CD101: variants seen among roughly 807,000 people sequenced by gnomAD.
CD101 encodes the protein immunoglobulin superfamily member 2.
In CD101, 76 loss-of-function variants were observed where a neutral mutation model predicts 98.2. The ratio of observed to expected loss-of-function variants is 0.77; its 90% CI spans 0.64 to 0.94. The LOEUF is 0.94. CD101 is among the 40% of genes least tolerant of loss of function. The pLI, the probability that CD101 is intolerant of heterozygous loss-of-function variation, is 0.00. For synonymous variants in CD101, 471 were observed against 472.7 expected (o/e 1.00, Z 0.05); for missense variants, 1,145 against 1,218.8 (o/e 0.94, Z 0.90).
chr1:117,033,766 C>A lies in CD101; in HGVS notation c.2825-94C>A. On this transcript the variant is annotated intron_variant, in intron 8 of 9. Coordinates refer to ENST00000682167, the MANE Select transcript of CD101 (RefSeq NM_001256106.3). The surrounding 1 kb of genome is among the most constrained non-coding windows in gnomAD (Gnocchi z 4.8). ...TTTGGCCCCATTATTTTTACATATA[C>A]TTGCCTATAACAATAAATCCCAGGA... 6.5e-7 allele frequency: 1 copy of A among 1,533,640 alleles called. No individual in the cohort carries two copies. Among genetic ancestry groups the A allele is most frequent in the Non-Finnish European group, 8.9e-7 (1 of 1,127,470 alleles).
At chr1:117,029,407 C>T (rs1314132987) in intron 8 of CD101, among the ~76,000 whole-genome samples, 2 of 152,194 alleles carry the variant, frequency 1.3e-5, no homozygotes, top group Non-Finnish European at 2.9e-5. Context: ...CATGCATGCA[C>T]CATCTCCTTC....
rs2101111698 is a variant in CD101, at chr1:117,005,919, C to A, written c.44-3931C>A. Among the ~76,000 whole-genome samples, 1 of 151,584 alleles carries A rather than the reference C, an allele frequency of 6.6e-6. No individual in the cohort carries two copies. The highest frequency in any genetic ancestry group is 1.5e-5 in the Non-Finnish European group (1 of 67,876). ...ACAAATATTTTCAAAGGGTTAAAGT[C>A]TATTTAACCCTTTGAAAATATGTAT... is the stretch of plus-strand genomic sequence containing the variant. On this transcript the variant is annotated intron_variant, in intron 1 of 9. Transcript: ENST00000682167. The surrounding 1 kb of genome is among the most constrained non-coding windows in gnomAD (Gnocchi z 4.4).
chr1:117,018,035 G>A lies in CD101; in HGVS notation c.1613-121G>A. On this transcript the variant is annotated intron_variant, in intron 5 of 9. Transcript: ENST00000682167. This position sits in a 1 kb window ranked among gnomAD's most constrained non-coding sequence, Gnocchi z 4.3. ...GAATCAATTTCTACTCTATAAAATA[G>A]GAAACTCCAAATGTACAAATGCATG... 1.1e-6 allele frequency: 1 copy of A among 944,938 alleles called. No homozygotes were observed. The highest frequency in any genetic ancestry group is 1.8e-5 in the South Asian group (1 of 54,302). The allele number at this position is 944,938 out of a possible 1,614,324, so 58.5% of individuals were successfully genotyped here. A position where few individuals can be genotyped will look rare whatever the true frequency, so the allele number is the denominator to read the frequency against.
intron 8 of CD101, among the ~76,000 whole-genome samples, chr1:117,028,222 A>C (rs981931593): frequency 6.6e-6 from 1 of 152,236 alleles, no homozygotes; most frequent in Non-Finnish European, 1.5e-5. Context: ...GGCGGTACCC[A>C]TGACGACTAA....
In CD101 at chr1:117,019,903, A is replaced by G. The variant is rs1053098710; in HGVS notation, c.2017+1343A>G. Among the ~76,000 whole-genome samples, 1 of 152,208 alleles carries G rather than the reference A, an allele frequency of 6.6e-6. No individual in the cohort carries two copies. The highest frequency in any genetic ancestry group is 2.4e-5 in the African/African-American group (1 of 41,446). On this transcript the variant is annotated intron_variant, in intron 6 of 9. Coordinates refer to ENST00000682167, the MANE Select transcript of CD101 (RefSeq NM_001256106.3). This position sits in a 1 kb window ranked among gnomAD's most constrained non-coding sequence, Gnocchi z 4.3. The stretch of plus-strand genomic sequence containing the variant: ...CTTGTATCTAAACTCCCACAGTGTG[A>G]CATGCAAGGTCCTTTATCATCTGGT...
Position 117,033,527 on chromosome 1 carries a change from T to C in CD101, c.2825-333T>C, listed in dbSNP as rs535531375. 5.3e-5 allele frequency among the ~76,000 whole-genome samples: 8 copies of C among 152,330 alleles called. No individual in the cohort carries two copies. In the South Asian group the frequency reaches 1.5e-3, roughly 28 times the overall value. On this transcript the variant is annotated intron_variant, in intron 8 of 9. Transcript: ENST00000682167. This position sits in a 1 kb window ranked among gnomAD's most constrained non-coding sequence, Gnocchi z 4.8. Reference sequence around the variant, plus strand: ...ACTGTTGAGAACGAGGGTTGAATTATAGATATCTTTTCTGAAGAAAGAAGA... The same window carrying C: ...ACTGTTGAGAACGAGGGTTGAATTACAGATATCTTTTCTGAAGAAAGAAGA...
At position 117,021,478 on chromosome 1, in the gene CD101, C is replaced by A; in HGVS notation, c.2018-95C>A. The A allele has an allele frequency of 2.0e-6, 2 of 1,009,570 alleles. No individual in the cohort carries two copies. The highest frequency in any genetic ancestry group is 2.8e-6 in the Non-Finnish European group (2 of 708,168). 62.5% of individuals were successfully genotyped at this position (1,009,570 alleles called of 1,614,324 possible). On this transcript the variant is annotated intron_variant, in intron 6 of 9. Transcript: ENST00000682167. This position sits in a 1 kb window ranked among gnomAD's most constrained non-coding sequence, Gnocchi z 4.7. ...TAGAGGGAGTTCACCCATATGATGG[C>A]GGGAGGATGCAGTGTCATACTTGAC...
rs146648098 is a variant in CD101 at position 117,009,029 on chromosome 1, G to T, written c.44-821G>T. Among the ~76,000 whole-genome samples the T allele has an allele frequency of 2.9e-4, 44 of 152,234 alleles. No homozygotes were observed. The East Asian group carries it at 8.5e-3, about 29-fold the overall frequency. On this transcript the variant is annotated intron_variant, in intron 1 of 9. Coordinates refer to ENST00000682167, the MANE Select transcript of CD101 (RefSeq NM_001256106.3). The stretch of plus-strand genomic sequence containing the variant: ...ATATGCTTTTTGATTTCTGAAAAAT[G>T]CTTGATTTAAAAAATTTGTCAAATG...
In CD101 at chr1:117,022,133, G is replaced by A; in HGVS notation, c.2428+150G>A. ...TACCTACACATGACTGCAAGACCGA[G>A]TAGTCCACCAAAGGAGGGGAGGTCA... On this transcript the variant is annotated intron_variant, in intron 7 of 9. Coordinates refer to ENST00000682167, the MANE Select transcript of CD101 (RefSeq NM_001256106.3). The surrounding 1 kb of genome is among the most constrained non-coding windows in gnomAD (Gnocchi z 4.8). 1 of 885,632 alleles carries A rather than the reference G, an allele frequency of 1.1e-6. No homozygotes were observed. Among genetic ancestry groups the A allele is most frequent in the Non-Finnish European group, 1.7e-6 (1 of 589,660 alleles). 54.9% of individuals were successfully genotyped at this position (885,632 alleles called of 1,614,324 possible). A position where few individuals can be genotyped will look rare whatever the true frequency, so the allele number is the denominator to read the frequency against.
chr1:117,035,821 G>T (rs576069222), intron 9 of CD101, among the ~76,000 whole-genome samples: 2 of 152,250 alleles, frequency 1.3e-5, no homozygotes, highest in Admixed American at 1.3e-4. Context: ...CAAAGTGCTG[G>T]GATTACAGGC....
intron 1 of CD101, among the ~76,000 whole-genome samples, chr1:117,008,490 G>A (rs142359524): frequency 6.6e-6 from 1 of 152,042 alleles, no homozygotes; most frequent in African/African-American, 2.4e-5. Flanking sequence ...TACTAGAAAT[G>A]TGTGTGGTTG....
chr1:117,003,428 G>A (rs1652360647), intron 1 of CD101, among the ~76,000 whole-genome samples: 1 of 152,178 alleles, frequency 6.6e-6, no homozygotes, highest in South Asian at 2.1e-4. Context: ...CCACTTGCTG[G>A]GTGACGGATG....
intron 8 of CD101, chr1:117,032,914 A>G (rs1305219068): frequency 6.6e-6 from 1 of 152,254 alleles, no homozygotes; most frequent in East Asian, 1.9e-4. Flanking sequence ...CTGCGGGATG[A>G]TCATATGCTT....
chr1:117,033,867 G>A lies in CD101; in HGVS notation c.2832G>A (p.Thr944=), dbSNP rs76030562. 143 of 1,614,128 alleles carry A rather than the reference G, an allele frequency of 8.9e-5. No homozygotes were observed. Among genetic ancestry groups the A allele is most frequent in the Non-Finnish European group, 1.1e-4 (131 of 1,180,010 alleles). ...MVLTVLPSEP[T]LPSRICSSAP... ...TTTCTCCCTTCGTTGCAGAGCCCAC[G>A]CTTCCTTCCAGGATCTGCTCCTCGG... The change falls in exon 9 of 10, where the codon ACG becomes ACA. Residue 944 remains threonine, a synonymous_variant. Coordinates refer to ENST00000682167, the MANE Select transcript of CD101 (RefSeq NM_001256106.3). The surrounding 1 kb of genome is among the most constrained non-coding windows in gnomAD (Gnocchi z 4.8).
chr1:117,012,515 T>C lies in CD101; in HGVS notation c.841+549T>C, dbSNP rs1245890773. ...GTCTTCGTCAGTGCTGGGGTTTCCT[T>C]CCACCTGCCCCCTTTCCCAACTTGG... On this transcript the variant is annotated intron_variant, in intron 3 of 9. Coordinates refer to ENST00000682167, the MANE Select transcript of CD101 (RefSeq NM_001256106.3). The surrounding 1 kb of genome is among the most constrained non-coding windows in gnomAD (Gnocchi z 4.0). 6.6e-6 allele frequency among the ~76,000 whole-genome samples: 1 copy of C among 152,222 alleles called. No individual in the cohort carries two copies. Among genetic ancestry groups the C allele is most frequent in the Non-Finnish European group, 1.5e-5 (1 of 68,032 alleles).
chr1:117,029,849 G>C (rs571288890), intron 8 of CD101, among the ~76,000 whole-genome samples: 2 of 152,228 alleles, frequency 1.3e-5, no homozygotes, highest in Admixed American at 1.3e-4. Flanking sequence ...AAAGTTAAGA[G>C]ACATTTTCTC....
chr1:117,029,147 GAAAGAAAGA>G (rs1654165241), intron 8 of CD101, among the ~76,000 whole-genome samples: 1 of 82,836 alleles, frequency 1.2e-5, no homozygotes, highest in African/African-American at 5.0e-5. Flanking sequence ...AAGAAAGAAA[GAAAGAAAGA>G]AAGAAAGAAA....
chr1:117,029,190 A>AGAAAGAAAGAAAGAAG (rs1654188986), intron 8 of CD101, among the ~76,000 whole-genome samples: 1 of 85,470 alleles, frequency 1.2e-5, no homozygotes, highest in African/African-American at 5.7e-5. Context: ...AAAGAAAGAA[A>AGAAAGAAAGAAAGAAG]GAAAGAAAGA....
intron 8 of CD101, among the ~76,000 whole-genome samples, chr1:117,028,107 A>AAATAAATAAATAAATAAATAAAT (rs148309572): frequency 4.8e-4 from 71 of 148,158 alleles, no homozygotes; most frequent in African/African-American, 1.7e-3. Flanking sequence ...ATAAATAAAT[A>AAATAAATAAATAAATAAATAAAT]AAATAAAATA....
Sources: gnomAD v4.1 joint callset for allele counts (sites outside exome capture counted in the v4.1 genomes callset) on GRCh38, gnomAD v4.1.1 for gene constraint, Gnocchi (gnomAD v3.1) non-coding constraint, MANE v1.5 for transcripts, NCBI Gene and HGNC (gene_info 2026-07-23, HGNC 2026-07-21) for gene names.